Variants in NARS2 observed in about 807,000 individuals in gnomAD.
NARS2 encodes asparaginyl-tRNA synthetase.
In NARS2, 60 loss-of-function variants were observed where a neutral mutation model predicts 62.9. The ratio of observed to expected loss-of-function variants is 0.95; its 90% CI spans 0.77 to 1.18. The LOEUF (loss-of-function observed/expected upper bound fraction) is 1.18, where lower values mean the gene tolerates loss of function less well. NARS2 is among the 50% of genes most tolerant of loss of function. NARS2 has a pLI of 0.00. For missense variants in NARS2, 619 were observed against 576.4 expected (o/e 1.07, Z -0.76); for synonymous variants, 196 against 200.0 (o/e 0.98, Z 0.17).
At chr11:78,523,773 TAG>T (rs1474722588) in intron 6 of NARS2, among the ~76,000 whole-genome samples, 1 of 152,252 alleles carries the variant, frequency 6.6e-6, no homozygotes, top group Non-Finnish European at 1.5e-5. Context: ...GGTAAACTCA[TAG>T]AGAGAGAACT....
chr11:78,486,008 C>T (rs1039430533), intron 7 of NARS2, among the ~76,000 whole-genome samples: 4 of 151,936 alleles, frequency 2.6e-5, no homozygotes, highest in Middle Eastern at 3.2e-3. Context: ...CCAAGTAGCT[C>T]GGATTACAGG....
intron 4 of NARS2, among the ~76,000 whole-genome samples, chr11:78,562,270 A>AT (rs1166896436): frequency 6.6e-6 from 1 of 152,050 alleles, no homozygotes; most frequent in Non-Finnish European, 1.5e-5. Flanking sequence ...CAAAAAATAC[A>AT]TTAAAAAAAA....
chr11:78,495,438 G>A (rs183714799), intron 6 of NARS2, among the ~76,000 whole-genome samples: 6 of 151,868 alleles, frequency 4.0e-5, no homozygotes, highest in East Asian at 1.9e-4. Context: ...GCTCCCTCTC[G>A]TATATTACTA....
At chr11:78,528,970 T>C (rs747752683) in intron 5 of NARS2, 34 bp from the exon 6 acceptor site, 2 of 1,381,508 alleles carry the variant, frequency 1.4e-6, no homozygotes, top group Non-Finnish European at 1.0e-6. Flanking sequence ...CAAAAAACTA[T>C]TAAATGTTTT....
chr11:78,457,819 C>T (rs200349811), intron 11 of NARS2, among the ~76,000 whole-genome samples: 1 of 127,146 alleles, frequency 7.9e-6, no homozygotes, highest in Non-Finnish European at 1.6e-5. Context: ...CACACACACA[C>T]ACACACACAA....
At chr11:78,510,798 A>C (rs1423226260) in intron 6 of NARS2, among the ~76,000 whole-genome samples, 1 of 152,230 alleles carries the variant, frequency 6.6e-6, no homozygotes, top group Non-Finnish European at 1.5e-5. Flanking sequence ...CGAATTAACA[A>C]ATTTGATGGT....
intron 1 of NARS2, chr11:78,573,425 A>G (rs7937417): frequency 0.68 from 102,826 of 151,944 alleles, 36,096 homozygotes; most frequent in Non-Finnish European, 0.79. Context: ...AGTTTCAGCT[A>G]CTCTGGAGGC....
At chr11:78,549,708 CAAGTAATGGAGCTTAAG>C (rs1856021785) in intron 5 of NARS2, among the ~76,000 whole-genome samples, 1 of 152,110 alleles carries the variant, frequency 6.6e-6, no homozygotes, top group South Asian at 2.1e-4. Flanking sequence ...AATCAGTCTG[CAAGTAATGGAGCTTAAG>C]AGGTGGGTGT....
intron 7 of NARS2, among the ~76,000 whole-genome samples, chr11:78,488,842 C>T (rs6592780): frequency 6.6e-6 from 1 of 151,848 alleles, no homozygotes; most frequent in Non-Finnish European, 1.5e-5. Context: ...CAATTCAATA[C>T]ATGAAGTTTA....
At chr11:78,532,058 T>A (rs970538017) in intron 5 of NARS2, among the ~76,000 whole-genome samples, 3 of 152,208 alleles carry the variant, frequency 2.0e-5, no homozygotes, top group Admixed American at 2.0e-4. Flanking sequence ...AAAGTAATTA[T>A]TGAATCTTAG....
At chr11:78,440,764 C>T (rs1857552024) in intron 13 of NARS2, among the ~76,000 whole-genome samples, 3 of 152,246 alleles carry the variant, frequency 2.0e-5, no homozygotes, top group Admixed American at 1.3e-4. Flanking sequence ...AACTCCTGAC[C>T]TCAGGTGATC....
chr11:78,513,352 T>C (rs1860786837), intron 6 of NARS2, among the ~76,000 whole-genome samples: 1 of 152,052 alleles, frequency 6.6e-6, no homozygotes. Context: ...CTTTCTTTTT[T>C]TTTTTTTGTA....
At position 78,572,940 on chromosome 11, in the gene NARS2, A is replaced by G. The variant is rs535267354; in HGVS notation, c.141+1408T>C. On this transcript the variant is annotated intron_variant, in intron 1 of 13. Coordinates refer to ENST00000281038, the MANE Select transcript of NARS2 (RefSeq NM_024678.6). ...GACAAAGTTCAAGTGCTCAGAGCCAAAAGTGGCTGGTAGCTACCATATCAG... is the reference window on the plus strand; with the variant it reads ...GACAAAGTTCAAGTGCTCAGAGCCAGAAGTGGCTGGTAGCTACCATATCAG... 3.3e-5 allele frequency among the ~76,000 whole-genome samples: 5 copies of G among 152,340 alleles called. No individual in the cohort carries two copies. In the East Asian group the frequency reaches 7.7e-4, roughly 23 times the overall value.
At chr11:78,477,621 T>A (rs953073205) in intron 9 of NARS2, among the ~76,000 whole-genome samples, 1 of 152,230 alleles carries the variant, frequency 6.6e-6, no homozygotes, top group Admixed American at 6.5e-5. Flanking sequence ...GTATTCTGAA[T>A]GCTTCTAAGA....
chr11:78,484,179 C>G (rs1489439666), intron 7 of NARS2, among the ~76,000 whole-genome samples: 1 of 152,112 alleles, frequency 6.6e-6, no homozygotes, highest in Non-Finnish European at 1.5e-5. Flanking sequence ...GGAAAACTGG[C>G]TGGTCATATG....
chr11:78,521,658 C>A (rs901002364), intron 6 of NARS2, among the ~76,000 whole-genome samples: 5 of 151,608 alleles, frequency 3.3e-5, no homozygotes, highest in Admixed American at 6.6e-5. Context: ...GGCGTAGTGG[C>A]GGGTGCCTGT....
chr11:78,468,163 A>G (rs1858702630), intron 10 of NARS2, among the ~76,000 whole-genome samples: 1 of 151,838 alleles, frequency 6.6e-6, no homozygotes, highest in South Asian at 2.1e-4. Flanking sequence ...CTCAGGCATC[A>G]TAACGAGACC....
chr11:78,452,355 C>A (rs1267327105), intron 11 of NARS2, among the ~76,000 whole-genome samples: 3 of 151,866 alleles, frequency 2.0e-5, no homozygotes, highest in Non-Finnish European at 4.4e-5. Flanking sequence ...GATCCACCTG[C>A]CTCGGCTTCC....
At position 78,463,423 on chromosome 11, in the gene NARS2, C is replaced by G. The variant is rs183799460; in HGVS notation, c.1164+2453G>C. On this transcript the variant is annotated intron_variant, in intron 11 of 13. Coordinates refer to ENST00000281038, the MANE Select transcript of NARS2 (RefSeq NM_024678.6). ...AAGGCAGGCCAGGTGCAGTGGCTCA[C>G]GCCTGTAATCCAAGCACTTTGGGAG... Among the ~76,000 whole-genome samples, 1,056 of 152,244 alleles carry G rather than the reference C, an allele frequency of 6.9e-3. 3 individuals are homozygous for G. Among genetic ancestry groups the G allele is most frequent in the Non-Finnish European group, 0.011 (768 of 68,012 alleles).
Sources: gnomAD v4.1 joint callset for allele counts (sites outside exome capture counted in the v4.1 genomes callset) on GRCh38, gnomAD v4.1.1 for gene constraint, MANE v1.5 for transcripts, NCBI Gene and HGNC (gene_info 2026-07-23, HGNC 2026-07-21) for gene names.